Variants in CPB1 observed in about 807,000 individuals in gnomAD.
The protein encoded by CPB1 is carboxypeptidase B1.
In CPB1, 53 loss-of-function variants were observed where a neutral mutation model predicts 51.4. The observed-to-expected ratio is 1.03, with a 90% CI of 0.83 to 1.30. The LOEUF is 1.30. CPB1 is among the 50% of genes most tolerant of loss of function. The probability of loss-of-function intolerance (pLI) is 0.00; values close to 1 mark genes in which losing one functional copy is unlikely to be tolerated. For synonymous variants in CPB1, 189 were observed against 186.9 expected (o/e 1.01, Z -0.09); for missense variants, 494 against 516.2 (o/e 0.96, Z 0.42).
At chr3:148,858,330 T>C (rs537222101) in intron 10 of CPB1, among the ~76,000 whole-genome samples, 1 of 152,206 alleles carries the variant, frequency 6.6e-6, no homozygotes, top group African/African-American at 2.4e-5. Context: ...CCCAGCACTT[T>C]GGGAGGCCGA....
In CPB1 at chr3:148,860,126, A is replaced by G. The variant is rs1713708457; in HGVS notation, c.*124A>G. 56 of 866,040 alleles carry G rather than the reference A, an allele frequency of 6.5e-5. No homozygotes were observed. The South Asian group carries it at 9.8e-4, about 15-fold the overall frequency. 53.6% of individuals were successfully genotyped at this position (866,040 alleles called of 1,614,324 possible). On this transcript the variant is annotated 3_prime_UTR_variant, in exon 11 of 11. Coordinates refer to ENST00000282957, the MANE Select transcript of CPB1 (RefSeq NM_001871.3). ...ATCTTTCTTTTAAGCTTCTGGGTCT[A>G]TTAAACTAGGTAGATCTTTTCGTAT...
intron 10 of CPB1, among the ~76,000 whole-genome samples, chr3:148,859,062 C>T (rs1366767256): frequency 6.6e-6 from 1 of 152,168 alleles, no homozygotes; most frequent in African/African-American, 2.4e-5. Context: ...AGATAGCCCA[C>T]CTATTTATAT....
chr3:148,856,689 C>A (rs1363097068), intron 9 of CPB1: 1 of 152,194 alleles, frequency 6.6e-6, no homozygotes, highest in Admixed American at 6.5e-5. Flanking sequence ...CACAGAGTTT[C>A]TGAGCGCAGA....
At chr3:148,844,280 A>G (rs1713167724) in intron 6 of CPB1, among the ~76,000 whole-genome samples, 198 bp from the exon 7 acceptor site, 1 of 152,216 alleles carries the variant, frequency 6.6e-6, no homozygotes, top group South Asian at 2.1e-4. Flanking sequence ...AGCAGAGAAG[A>G]ATTAGAAATA....
rs7619085 is a variant in CPB1 at position 148,858,551 on chromosome 3, G to A, written c.1066+1010G>A. On this transcript the variant is annotated intron_variant, in intron 10 of 10. Transcript: ENST00000282957. ...CCTGCCACTGCACTCTAGCCTGGGC[G>A]ACGAGAGCAAAACTCCATCTCAAAA... is the stretch of plus-strand genomic sequence containing the variant. 4.7e-3 allele frequency among the ~76,000 whole-genome samples: 706 copies of A among 151,782 alleles called. 8 individuals carry two copies. The highest frequency in any genetic ancestry group is 0.031 in the East Asian group (162 of 5,156).
At chr3:148,859,784 GT>G (rs751849529) in intron 10 of CPB1, 30 bp from the exon 11 acceptor site, 15 of 1,547,592 alleles carry the variant, frequency 9.7e-6, no homozygotes, top group South Asian at 6.2e-5. Context: ...TAGATTTAAA[GT>G]TTTTTTTCAC....
chr3:148,846,413 C>A (rs1326965331), intron 9 of CPB1, among the ~76,000 whole-genome samples: 1 of 150,238 alleles, frequency 6.7e-6, no homozygotes, highest in South Asian at 2.1e-4. Flanking sequence ...ACTAAAAGAG[C>A]AAATATAAGA....
intron 10 of CPB1, 58 bp downstream of exon 10, chr3:148,857,599 G>A (rs867695603): frequency 4.6e-6 from 6 of 1,313,738 alleles, no homozygotes; most frequent in Admixed American, 1.9e-5. Context: ...CCAACGAAAG[G>A]TTCCTGGGGC....
chr3:148,829,143 C>T (rs73010181), intron 2 of CPB1, among the ~76,000 whole-genome samples: 12,476 of 152,214 alleles, frequency 0.082, 1,025 homozygotes, highest in African/African-American at 0.21. Flanking sequence ...TTAGCTGAGT[C>T]AAATATCATG....
rs1482955493 is a variant in CPB1, at chr3:148,859,865, TA to T, written c.1118del (p.Tyr373PhefsTer47). The T allele has an allele frequency of 3.3e-5, 54 of 1,614,030 alleles. No homozygotes were observed. Among genetic ancestry groups the T allele is most frequent in the Non-Finnish European group, 4.3e-5 (51 of 1,179,984 alleles). ...CTGGGCTTATGACCAAGGAATCAGA[TA>T]TTCCTTCACCTTTGAACTTCGAGAT... ...DDWAYDQGIR[Y>X]SFTFELRDTG... On this transcript the variant is annotated frameshift_variant, in exon 11 of 11. Coordinates refer to ENST00000282957, the MANE Select transcript of CPB1 (RefSeq NM_001871.3). LOFTEE classifies it high-confidence loss of function.
chr3:148,828,107 C>T, intron 2 of CPB1, 30 bp downstream of exon 2: 1 of 1,550,986 alleles, frequency 6.4e-7, no homozygotes, highest in Non-Finnish European at 8.9e-7. Context: ...TACTTCACAT[C>T]TAATTTAAAA....
At chr3:148,837,242 G>A (rs1268182556) in intron 3 of CPB1, among the ~76,000 whole-genome samples, 1 of 152,104 alleles carries the variant, frequency 6.6e-6, no homozygotes, top group Non-Finnish European at 1.5e-5. Flanking sequence ...TTGCTCACAC[G>A]TATATCAGCA....
At chr3:148,835,174 T>C (rs1352952812) in intron 3 of CPB1, among the ~76,000 whole-genome samples, 1 of 152,212 alleles carries the variant, frequency 6.6e-6, no homozygotes, top group Non-Finnish European at 1.5e-5. Context: ...AAGCTGATCC[T>C]GTCTCCCTCA....
chr3:148,855,304 AC>A (rs1263527842), intron 9 of CPB1: 1 of 152,100 alleles, frequency 6.6e-6, no homozygotes, highest in Admixed American at 6.5e-5. Context: ...TAAAATAACA[AC>A]CTTTTTAAGC....
intron 9 of CPB1, among the ~76,000 whole-genome samples, chr3:148,852,438 A>G (rs1047884164): frequency 2.6e-5 from 4 of 152,130 alleles, no homozygotes; most frequent in African/African-American, 9.7e-5. Context: ...TCCCCAACAA[A>G]TTATCCAGCC....
At chr3:148,850,296 T>A (rs1289967485) in intron 9 of CPB1, among the ~76,000 whole-genome samples, 1 of 152,126 alleles carries the variant, frequency 6.6e-6, no homozygotes, top group Non-Finnish European at 1.5e-5. Context: ...TTTTGTTTGT[T>A]TGTTTGTTTG....
intron 10 of CPB1, among the ~76,000 whole-genome samples, chr3:148,859,575 C>G (rs545847811): frequency 6.6e-6 from 1 of 152,166 alleles, no homozygotes; most frequent in Non-Finnish European, 1.5e-5. Context: ...TTACAGATTA[C>G]GTACTTTCTG....
In CPB1 at chr3:148,859,873, C is replaced by T; in HGVS notation, c.1125C>T (p.Phe375=). 6.2e-7 allele frequency: 1 copy of T among 1,614,108 alleles called. No individual in the cohort carries two copies. Among genetic ancestry groups the T allele is most frequent in the Non-Finnish European group, 8.5e-7 (1 of 1,179,990 alleles). ...WAYDQGIRYS[F]TFELRDTGRY... ...ATGACCAAGGAATCAGATATTCCTTCACCTTTGAACTTCGAGATACAGGCA... is the reference window on the plus strand; with the variant it reads ...ATGACCAAGGAATCAGATATTCCTTTACCTTTGAACTTCGAGATACAGGCA... Residue 375 remains phenylalanine (F), a synonymous_variant, in exon 11 of 11, where the codon TTC becomes TTT. Transcript: ENST00000282957.
At chr3:148,847,551 G>A (rs927328898) in intron 9 of CPB1, among the ~76,000 whole-genome samples, 2 of 152,068 alleles carry the variant, frequency 1.3e-5, no homozygotes, top group African/African-American at 4.8e-5. Context: ...AACAGAACAT[G>A]AGTCACTGAT....
Sources: gnomAD v4.1 joint callset for allele counts (sites outside exome capture counted in the v4.1 genomes callset) on GRCh38, gnomAD v4.1.1 for gene constraint, MANE v1.5 for transcripts, NCBI Gene and HGNC (gene_info 2026-07-23, HGNC 2026-07-21) for gene names.